Variants in DPP10 observed in about 807,000 individuals in gnomAD.
The protein encoded by DPP10 is dipeptidyl peptidase like 10.
In DPP10, 33 loss-of-function variants were observed where a neutral mutation model predicts 120.9. The ratio of observed to expected loss-of-function variants is 0.27; its 90% CI spans 0.21 to 0.37. DPP10 has a LOEUF of 0.37. Among genes scored for constraint, DPP10 ranks in the 10% least tolerant of loss-of-function variants. The pLI is 1.00. For missense variants in DPP10, 816 were observed against 942.8 expected, an observed-to-expected ratio of 0.87 and a Z score of 1.76; for synonymous variants, 337 against 326.1, an observed-to-expected ratio of 1.03 and a Z score of -0.36.
intron 1 of DPP10, among the ~76,000 whole-genome samples, chr2:114,747,581 T>C (rs915604961): frequency 6.6e-6 from 1 of 152,190 alleles, no homozygotes; most frequent in Non-Finnish European, 1.5e-5. Flanking sequence ...GTTTAACACA[T>C]GGCTGTAAGG....
At chr2:114,594,888 T>A (rs558013606) in intron 1 of DPP10, among the ~76,000 whole-genome samples, 59 of 152,174 alleles carry the variant, frequency 3.9e-4, no homozygotes, top group Non-Finnish European at 6.2e-4. Flanking sequence ...TGCTTCTCGG[T>A]CTTTCTCTCA....
intron 5 of DPP10, among the ~76,000 whole-genome samples, chr2:115,533,586 A>G (rs568179240): frequency 7.2e-5 from 11 of 152,228 alleles, no homozygotes; most frequent in Non-Finnish European, 1.0e-4. Context: ...GGACCTTAAT[A>G]CTTCAGTGCT....
At chr2:115,108,061 T>G (rs1343521823) in intron 1 of DPP10, among the ~76,000 whole-genome samples, 1 of 152,198 alleles carries the variant, frequency 6.6e-6, no homozygotes, top group African/African-American at 2.4e-5. Context: ...ACTCACCCTT[T>G]TCATGGTACT....
intron 1 of DPP10, among the ~76,000 whole-genome samples, chr2:115,182,701 G>A (rs1432517843): frequency 3.3e-5 from 5 of 152,094 alleles, no homozygotes; most frequent in Non-Finnish European, 7.3e-5. Context: ...TTACTCCTTG[G>A]AATAAGTGAA....
At chr2:114,854,929 C>A (rs55815927) in intron 1 of DPP10, among the ~76,000 whole-genome samples, 134 of 152,202 alleles carry the variant, frequency 8.8e-4, no homozygotes, top group Non-Finnish European at 1.4e-3. Flanking sequence ...CTTGTCTCAA[C>A]CTACAAATAA....
intron 1 of DPP10, among the ~76,000 whole-genome samples, chr2:114,593,073 G>A (rs1349591429): frequency 6.6e-6 from 1 of 152,240 alleles, no homozygotes; most frequent in East Asian, 1.9e-4. Flanking sequence ...TTTTAGTAAT[G>A]AGACTTTTAT....
intron 1 of DPP10, among the ~76,000 whole-genome samples, chr2:115,105,456 A>C (rs2048903825): frequency 6.9e-6 from 1 of 144,270 alleles, no homozygotes; most frequent in South Asian, 2.2e-4. Flanking sequence ...AGAGAGAGAG[A>C]GGAGAAGCAG....
At chr2:114,737,700 G>A (rs974502375) in intron 1 of DPP10, among the ~76,000 whole-genome samples, 14 of 152,202 alleles carry the variant, frequency 9.2e-5, no homozygotes, top group East Asian at 1.9e-4. Flanking sequence ...AATGCAAAAA[G>A]CATGAGGCTG....
chr2:115,744,090 A>G (rs1043075776), intron 9 of DPP10, among the ~76,000 whole-genome samples: 2 of 150,664 alleles, frequency 1.3e-5, no homozygotes, highest in African/African-American at 4.8e-5. Context: ...CACACTCACT[A>G]TCTGGGAATT....
intron 17 of DPP10, among the ~76,000 whole-genome samples, chr2:115,784,957 G>A (rs1683163217): frequency 6.6e-6 from 1 of 152,124 alleles, no homozygotes; most frequent in South Asian, 2.1e-4. Context: ...ACAAATAATG[G>A]GAGTTTGTAA....
At chr2:114,612,213 A>G (rs1308703327) in intron 1 of DPP10, among the ~76,000 whole-genome samples, 2 of 152,228 alleles carry the variant, frequency 1.3e-5, no homozygotes, top group African/African-American at 2.4e-5. Flanking sequence ...CTCTTCACCT[A>G]TGACTTCTTA....
intron 1 of DPP10, among the ~76,000 whole-genome samples, chr2:114,625,685 T>C (rs1198958613): frequency 6.6e-6 from 1 of 152,012 alleles, no homozygotes; most frequent in Non-Finnish European, 1.5e-5. Flanking sequence ...AATGAATAAA[T>C]TGAGAAATAT....
rs142499213 is a variant in DPP10 at position 115,657,298 on chromosome 2, G to T, written c.442-32389G>T. Among the ~76,000 whole-genome samples the T allele has an allele frequency of 8.5e-3, 1,286 of 151,786 alleles. 12 individuals carry two copies. Among genetic ancestry groups the T allele is most frequent in the Non-Finnish European group, 0.012 (798 of 67,726 alleles). On this transcript the variant is annotated intron_variant, in intron 5 of 25. Transcript: ENST00000410059. ...ATTAACAGCTGGTGATAACAATGGT[G>T]AAACTAACTTCCCAAGATTTTAAAA...
rs1681693649 is a variant in DPP10 at position 114,488,381 on chromosome 2, G to A, written c.60+45543G>A. On this transcript the variant is annotated intron_variant, in intron 1 of 25. Coordinates refer to ENST00000410059, the MANE Select transcript of DPP10 (RefSeq NM_020868.6). Reference sequence around the variant, plus strand: ...CCTACTACACTTTTGGCTGGCATGAGGATTAAGTGAGGACACATATTTCAT... The same window carrying A: ...CCTACTACACTTTTGGCTGGCATGAAGATTAAGTGAGGACACATATTTCAT... Among the ~76,000 whole-genome samples the A allele has an allele frequency of 2.0e-5, 3 of 152,126 alleles. No individual in the cohort carries two copies. In the South Asian group the frequency reaches 6.2e-4, roughly 31 times the overall value.
chr2:114,761,882 T>A (rs1447431315), intron 1 of DPP10, among the ~76,000 whole-genome samples: 2 of 152,136 alleles, frequency 1.3e-5, no homozygotes, highest in Non-Finnish European at 2.9e-5. Flanking sequence ...ACCCATTGAT[T>A]TTTCATTTTA....
At chr2:115,827,404 A>ATGTG (rs57052168) in intron 21 of DPP10, among the ~76,000 whole-genome samples, 5 of 104,182 alleles carry the variant, frequency 4.8e-5, no homozygotes, top group African/African-American at 1.9e-4. Flanking sequence ...GTGTGTGTGT[A>ATGTG]TGTGTGTGTG....
At chr2:114,580,854 C>T (rs775479505) in intron 1 of DPP10, among the ~76,000 whole-genome samples, 1 of 151,858 alleles carries the variant, frequency 6.6e-6, no homozygotes, top group Admixed American at 6.6e-5. Flanking sequence ...AATTCCTGTG[C>T]GCTGTTCTTT....
intron 5 of DPP10, among the ~76,000 whole-genome samples, chr2:115,576,371 A>T (rs1471045439): frequency 6.6e-6 from 1 of 152,240 alleles, no homozygotes; most frequent in Non-Finnish European, 1.5e-5. Context: ...AATTCTGCTA[A>T]GTTTTCAGCA....
At chr2:115,649,302 C>T (rs1011022392) in intron 5 of DPP10, among the ~76,000 whole-genome samples, 4 of 152,104 alleles carry the variant, frequency 2.6e-5, no homozygotes, top group African/African-American at 9.7e-5. Context: ...TGGGCTTCAA[C>T]AGGATTAAGT....
Sources: allele counts gnomAD v4.1 joint callset (sites outside exome capture counted in the v4.1 genomes callset), GRCh38; gene constraint gnomAD v4.1.1; transcripts MANE v1.5; gene names NCBI Gene and HGNC (gene_info 2026-07-23, HGNC 2026-07-21).